The following CFAP20DC variants were observed in gnomAD, a reference collection of about 807,000 sequenced individuals.
CFAP20DC encodes the protein CFAP20 domain containing.
In CFAP20DC, 84 loss-of-function variants were observed where a neutral mutation model predicts 101.7. The ratio of observed to expected loss-of-function variants is 0.83; its 90% CI spans 0.69 to 0.99. The LOEUF is 0.99. Among genes scored for constraint, CFAP20DC ranks in the 50% least tolerant of loss-of-function variants. The probability of loss-of-function intolerance (pLI) is 0.00; values close to 1 mark genes in which losing one functional copy is unlikely to be tolerated. For missense variants in CFAP20DC, 1,007 were observed against 970.3 expected, an observed-to-expected ratio of 1.04 and a Z score of -0.50; for synonymous variants, 359 against 351.2, an observed-to-expected ratio of 1.02 and a Z score of -0.25.
At chr3:58,872,600 G>A (rs1419785255) in intron 7 of CFAP20DC, among the ~76,000 whole-genome samples, 3 of 152,228 alleles carry the variant, frequency 2.0e-5, no homozygotes, top group South Asian at 2.1e-4. Flanking sequence ...TGTTGAAGTC[G>A]TGAGGAGGTA....
intron 4 of CFAP20DC, among the ~76,000 whole-genome samples, chr3:58,982,607 C>CA (rs944370401): frequency 1.3e-4 from 19 of 146,010 alleles, no homozygotes; most frequent in African/African-American, 7.6e-5. Context: ...ATCACAAGGA[C>CA]AAAAAAAACA....
Position 58,897,641 on chromosome 3 carries a change from T to C in CFAP20DC, c.551-12932A>G, listed in dbSNP as rs1469232412. Among the ~76,000 whole-genome samples, 1 of 152,206 alleles carries C rather than the reference T, an allele frequency of 6.6e-6. No individual in the cohort carries two copies. Among genetic ancestry groups the C allele is most frequent in the African/African-American group, 2.4e-5 (1 of 41,466 alleles). ...CTTATTTCTTTTCACTTTTGAAGGT[T>C]AGTTTGGCCAGATATGAAATTCAGG... On this transcript the variant is annotated intron_variant, in intron 6 of 16. Transcript: ENST00000482387. The surrounding 1 kb of genome is among the most constrained non-coding windows in gnomAD (Gnocchi z 4.4).
intron 12 of CFAP20DC, among the ~76,000 whole-genome samples, chr3:58,855,941 T>C (rs2078756658): frequency 6.7e-6 from 1 of 150,254 alleles, no homozygotes; most frequent in Non-Finnish European, 1.5e-5. Context: ...CATATGTAAC[T>C]AACCTGCACA....
intron 13 of CFAP20DC, among the ~76,000 whole-genome samples, chr3:58,841,797 GTCTT>G (rs1345159818): frequency 6.6e-6 from 1 of 152,034 alleles, no homozygotes; most frequent in African/African-American, 2.4e-5. Context: ...AGCATGCTTT[GTCTT>G]TCTTATGAAA....
chr3:58,933,817 C>A (rs1175830158), intron 5 of CFAP20DC, among the ~76,000 whole-genome samples: 1 of 151,948 alleles, frequency 6.6e-6, no homozygotes, highest in Non-Finnish European at 1.5e-5. Flanking sequence ...AAAAAGAAAG[C>A]AGGAAAGATC....
At chr3:58,805,458 T>A (rs552184401) in intron 15 of CFAP20DC, among the ~76,000 whole-genome samples, 1 of 152,334 alleles carries the variant, frequency 6.6e-6, no homozygotes, top group South Asian at 2.1e-4. Flanking sequence ...TCTTACTCTT[T>A]CTCCCTATCT....
intron 4 of CFAP20DC, among the ~76,000 whole-genome samples, chr3:58,990,532 A>C (rs963958814): frequency 6.6e-6 from 1 of 152,102 alleles, no homozygotes; most frequent in Non-Finnish European, 1.5e-5. Flanking sequence ...TTTGAGTCTC[A>C]GTTCAAATGT....
chr3:59,015,908 G>A lies in CFAP20DC; in HGVS notation c.278+23649C>T, dbSNP rs181183639. On this transcript the variant is annotated intron_variant, in intron 4 of 16. Coordinates refer to ENST00000482387, the MANE Select transcript of CFAP20DC (RefSeq NM_001394063.1). This position sits in a 1 kb window ranked among gnomAD's most constrained non-coding sequence, Gnocchi z 5.4. ...ATTCTCTTTTGAAGCAATGGGCGAG[G>A]AACATATGGCCACATTTCCATATCT... Among the ~76,000 whole-genome samples, 4 of 152,204 alleles carry A rather than the reference G, an allele frequency of 2.6e-5. No individual in the cohort carries two copies. In the East Asian group the frequency reaches 5.8e-4, roughly 22 times the overall value.
At chr3:58,905,681 G>A (rs2083516227) in intron 6 of CFAP20DC, among the ~76,000 whole-genome samples, 1 of 152,156 alleles carries the variant, frequency 6.6e-6, no homozygotes, top group Non-Finnish European at 1.5e-5. Context: ...GGACAATAAA[G>A]TACTGAGCTC....
Position 59,049,801 on chromosome 3 carries a change from T to TGG in CFAP20DC, c.-172_-171dup. On this transcript the variant is annotated 5_prime_UTR_variant, in exon 1 of 17. The change abolishes the stop of an existing upstream ORF in the 5' untranslated region. Coordinates refer to ENST00000482387, the MANE Select transcript of CFAP20DC (RefSeq NM_001394063.1). ...GGCTCTTCTCAGCCCCTCCGGCCCC[T>TGG]GGTCAGCTCCATCTCCCGCCCTCCA... is the stretch of plus-strand genomic sequence containing the variant. 2 of 735,772 alleles carry TGG rather than the reference T, an allele frequency of 2.7e-6. No homozygotes were observed. Among genetic ancestry groups the TGG allele is most frequent in the Admixed American group, 5.8e-5 (2 of 34,444 alleles). The allele number at this position is 735,772 out of a possible 1,614,324, so 45.6% of individuals were successfully genotyped here.
In CFAP20DC at chr3:58,867,841, T is replaced by C. The variant is rs1459867474; in HGVS notation, c.1111A>G (p.Arg371Gly). The change falls in exon 10 of 17, where the codon AGA becomes GGA. Residue 371 changes from arginine (R) to glycine (G), a missense_variant. Physicochemically the swap from Arg to Gly is moderately radical, Grantham distance 125. Transcript: ENST00000482387. ...RRRLRLKSTS[R>G]ERTETPSGSS... Reference sequence around the variant, plus strand: ...CCGCTGGGTGTCTCTGTCCTTTCTCTGCTGGTACTTTTTAACCGTAATCTT... The same window carrying C: ...CCGCTGGGTGTCTCTGTCCTTTCTCCGCTGGTACTTTTTAACCGTAATCTT... The C allele has an allele frequency of 6.2e-7, 1 of 1,613,602 alleles. No individual in the cohort carries two copies. Among genetic ancestry groups the C allele is most frequent in the Non-Finnish European group, 8.5e-7 (1 of 1,179,670 alleles).
intron 15 of CFAP20DC, among the ~76,000 whole-genome samples, chr3:58,798,634 T>C (rs536529320): frequency 1.3e-5 from 2 of 152,324 alleles, no homozygotes; most frequent in Non-Finnish European, 2.9e-5. Context: ...GAAGTTCTAC[T>C]GTGGGTAAAA....
intron 4 of CFAP20DC, among the ~76,000 whole-genome samples, chr3:58,945,184 A>C (rs1293166918): frequency 6.6e-6 from 1 of 152,162 alleles, no homozygotes; most frequent in East Asian, 1.9e-4. Context: ...CCCAAACCAC[A>C]CATTCAGCAG....
intron 14 of CFAP20DC, among the ~76,000 whole-genome samples, chr3:58,815,727 GA>G (rs1379409928): frequency 3.3e-5 from 5 of 150,718 alleles, no homozygotes; most frequent in Non-Finnish European, 7.4e-5. Context: ...CTCAAAAGAA[GA>G]CATTTATGCA....
At position 58,936,954 on chromosome 3, in the gene CFAP20DC, G is replaced by GT. The variant is rs1446775211; in HGVS notation, c.393+693_393+694insA. On this transcript the variant is annotated intron_variant, in intron 5 of 16. Transcript: ENST00000482387. ...CAAAATTAAAAAAAAATAAATTTAA[G>GT]CCAAAAAAAAAAAAGAGAGATAGTG... is the stretch of plus-strand genomic sequence containing the variant. Among the ~76,000 whole-genome samples, 4 of 122,690 alleles carry GT rather than the reference G, an allele frequency of 3.3e-5. No homozygotes were observed. The Admixed American group carries it at 3.5e-4, about 11-fold the overall frequency. 80.5% of individuals were successfully genotyped at this position (122,690 alleles called of 152,430 possible).
At chr3:58,755,304 A>T (rs1175882469) in intron 15 of CFAP20DC, among the ~76,000 whole-genome samples, 1 of 150,622 alleles carries the variant, frequency 6.6e-6, no homozygotes, top group Non-Finnish European at 1.5e-5. Context: ...GATTTGTCAC[A>T]GACTTCCAAG....
chr3:59,000,226 T>G (rs1197677453), intron 4 of CFAP20DC, among the ~76,000 whole-genome samples: 1 of 152,244 alleles, frequency 6.6e-6, no homozygotes, highest in Non-Finnish European at 1.5e-5. Context: ...TAAACATCTT[T>G]TCTTTTAGCG....
At position 58,751,034 on chromosome 3, in the gene CFAP20DC, G is replaced by A. The variant is rs1384552944; in HGVS notation, c.2332+2735C>T. ...GAATTGCTCTACTTTTTTCCCCCAC[G>A]CTTGTAATAAAAAAAAGGACGAGTT... On this transcript the variant is annotated intron_variant, in intron 16 of 16. Transcript: ENST00000482387. Among the ~76,000 whole-genome samples, 5 of 151,916 alleles carry A rather than the reference G, an allele frequency of 3.3e-5. No homozygotes were observed. In the East Asian group the frequency reaches 5.8e-4, roughly 18 times the overall value.
downstream of CFAP20DC, chr3:58,737,308 A>T: frequency 2.2e-6 from 1 of 450,444 alleles, no homozygotes; most frequent in Non-Finnish European, 4.5e-6. This position sits in a 1 kb window ranked among gnomAD's most constrained non-coding sequence, Gnocchi z 4.1. Flanking sequence ...TCTCTCTCAC[A>T]CACACACACA....
Sources: gnomAD v4.1 joint callset for allele counts (sites outside exome capture counted in the v4.1 genomes callset) on GRCh38, gnomAD v4.1.1 for gene constraint, Gnocchi (gnomAD v3.1) non-coding constraint, MANE v1.5 for transcripts, NCBI Gene and HGNC (gene_info 2026-07-23, HGNC 2026-07-21) for gene names.